Variants in IAPP observed in about 807,000 individuals in gnomAD.
IAPP encodes the protein islet amyloid polypeptide, also known as Islet amyloid polypeptide (diabetes-associated peptide; amylin).
IAPP carries 4 observed loss-of-function variants against 2.9 expected under a neutral mutation model. The observed-to-expected ratio is 1.39, with a 90% CI of 0.69 to 3.19. IAPP has a LOEUF of 3.19. Ranked by LOEUF, IAPP falls within the 30% of genes most tolerant of loss-of-function variation. The pLI, the probability that IAPP is intolerant of heterozygous loss-of-function variation, is 0.01. For missense variants in IAPP, 114 were observed against 105.3 expected, an observed-to-expected ratio of 1.08 and a Z score of -0.36; for synonymous variants, 40 against 42.1, an observed-to-expected ratio of 0.95 and a Z score of 0.19.
At position 21,359,884 on chromosome 12, in the gene IAPP, A is replaced by C. The variant is rs77471698; in HGVS notation, c.-16+4871A>C. ...TTATTTGTAATAGCCTCAAACTAGA[A>C]ACAACCCGAAGTCCATTAACAAAAT... On this transcript the variant is annotated intron_variant, in intron 1 of 2. Transcript: ENST00000539393. Among the ~76,000 whole-genome samples the C allele has an allele frequency of 4.1e-4, 62 of 152,352 alleles. No individual in the cohort carries two copies. In the East Asian group the frequency reaches 0.012, roughly 29 times the overall value.
chr12:21,375,307 G>A (rs1591897276), intron 2 of IAPP, among the ~76,000 whole-genome samples: 1 of 152,270 alleles, frequency 6.6e-6, no homozygotes, highest in African/African-American at 2.4e-5. Context: ...AAATGAGTAT[G>A]TTTGAACATT....
At chr12:21,361,473 G>A (rs141204352) in intron 1 of IAPP, among the ~76,000 whole-genome samples, 14 of 152,230 alleles carry the variant, frequency 9.2e-5, no homozygotes, top group South Asian at 4.2e-4. Context: ...AAAAATTAGC[G>A]CACCTCTTCT....
At chr12:21,373,122 G>A (rs1483105126) in intron 1 of IAPP, 118 bp downstream of exon 1, 1 of 567,070 alleles carries the variant, frequency 1.8e-6, no homozygotes, top group Non-Finnish European at 3.1e-6. Flanking sequence ...CAATATAAAT[G>A]TTCAGATTGC....
chr12:21,355,094 C>A (rs1485988665), intron 1 of IAPP: 1 of 152,052 alleles, frequency 6.6e-6, no homozygotes, highest in Admixed American at 6.6e-5. Flanking sequence ...CACAAAGATA[C>A]AAAGATACTA....
At chr12:21,360,956 G>A (rs1337429574) in intron 1 of IAPP, among the ~76,000 whole-genome samples, 1 of 152,172 alleles carries the variant, frequency 6.6e-6, no homozygotes, top group Non-Finnish European at 1.5e-5. Flanking sequence ...TCCACCTCTA[G>A]GGGCAGGGCA....
chr12:21,366,668 G>A (rs1371735040), intron 1 of IAPP, among the ~76,000 whole-genome samples: 2 of 151,988 alleles, frequency 1.3e-5, no homozygotes. Context: ...AGAGAAAGCT[G>A]TAAATAGCAT....
intron 1 of IAPP, among the ~76,000 whole-genome samples, chr12:21,365,785 G>A (rs1165213250): frequency 1.3e-5 from 2 of 152,128 alleles, no homozygotes; most frequent in African/African-American, 4.8e-5. Flanking sequence ...GCAGCCAACA[G>A]ACACATGAAA....
chr12:21,366,382 C>T (rs1279613638), intron 1 of IAPP, among the ~76,000 whole-genome samples: 8 of 145,990 alleles, frequency 5.5e-5, no homozygotes, highest in Non-Finnish European at 1.2e-4. Flanking sequence ...GGGAACATCA[C>T]ACACACGGGC....
At chr12:21,373,305 T>C in intron 1 of IAPP, 32 bp from the exon 2 acceptor site, 1 of 1,235,808 alleles carries the variant, frequency 8.1e-7, no homozygotes, top group Non-Finnish European at 1.2e-6. Context: ...GTAAGAAATC[T>C]CTTGATTTCA....
chr12:21,368,893 T>C (rs1939585931), upstream of IAPP, among the ~76,000 whole-genome samples: 1 of 152,148 alleles, frequency 6.6e-6, no homozygotes, highest in Non-Finnish European at 1.5e-5. Flanking sequence ...CTTCTTCTAA[T>C]ATGGGATATC....
chr12:21,373,334 C>A lies in IAPP; in HGVS notation c.-15-3C>A. On this transcript the variant is annotated splice_region_variant and splice_polypyrimidine_tract_variant and intron_variant, in intron 1 of 2. Coordinates refer to ENST00000240652, the MANE Select transcript of IAPP (RefSeq NM_000415.3). ...GATTTCAGTGCTGGATTATTCTTTG[C>A]AGAAAATTTGAGAAGCAATGGGCAT... 13 of 1,573,368 alleles carry A rather than the reference C, an allele frequency of 8.3e-6. No homozygotes were observed. The highest frequency in any genetic ancestry group is 1.0e-5 in the Non-Finnish European group (12 of 1,143,328).
upstream of IAPP, among the ~76,000 whole-genome samples, chr12:21,369,064 A>G (rs114048760): frequency 3.1e-3 from 470 of 152,310 alleles, 2 homozygotes; most frequent in African/African-American, 0.011. Context: ...GCAAGGAACT[A>G]CTGTGTTTAT....
chr12:21,376,360 G>T, intron 2 of IAPP: 1 of 354,790 alleles, frequency 2.8e-6, no homozygotes, highest in South Asian at 2.1e-5. Flanking sequence ...TGTTTTTCAA[G>T]AAAAGTAAGT....
chr12:21,371,684 T>C (rs118177367), upstream of IAPP, among the ~76,000 whole-genome samples: 55 of 152,236 alleles, frequency 3.6e-4, no homozygotes, highest in East Asian at 0.01. Context: ...TATTAATAAC[T>C]AAGATACCAA....
Position 21,378,499 on chromosome 12 carries a change from A to G in IAPP, c.*73A>G, listed in dbSNP as rs2137114988. 8.1e-7 allele frequency: 1 copy of G among 1,229,968 alleles called. No individual in the cohort carries two copies. The highest frequency in any genetic ancestry group is 1.2e-5 in the South Asian group (1 of 82,370). 76.2% of individuals were successfully genotyped at this position (1,229,968 alleles called of 1,614,324 possible). On this transcript the variant is annotated 3_prime_UTR_variant, in exon 3 of 3. Transcript: ENST00000240652. ...TGTATAATTTAACAGTGCCCTTTTC[A>G]TCTCCAGTGTGAATATATGGTCTGT...
rs757281888 is a variant in IAPP, at chr12:21,378,288, C to T, written c.132C>T (p.Arg44=). ...ACACTGCCACATGTGCAACGCAGCGCCTGGCAAATTTTTTAGTTCATTCCA... is the reference window on the plus strand; with the variant it reads ...ACACTGCCACATGTGCAACGCAGCGTCTGGCAAATTTTTTAGTTCATTCCA... ...KCNTATCATQ[R]LANFLVHSSN... The change falls in exon 3 of 3, where the codon CGC becomes CGT. Residue 44 remains arginine (R), a synonymous_variant. Coordinates refer to ENST00000240652, the MANE Select transcript of IAPP (RefSeq NM_000415.3). 6.2e-7 allele frequency: 1 copy of T among 1,614,196 alleles called. No homozygotes were observed. Among genetic ancestry groups the T allele is most frequent in the South Asian group, 1.1e-5 (1 of 91,068 alleles).
At position 21,378,523 on chromosome 12, in the gene IAPP, G is replaced by C; in HGVS notation, c.*97G>C. The C allele has an allele frequency of 2.9e-6, 3 of 1,025,582 alleles. No individual in the cohort carries two copies. The highest frequency in any genetic ancestry group is 4.6e-6 in the Non-Finnish European group (3 of 656,102). 63.5% of individuals were successfully genotyped at this position (1,025,582 alleles called of 1,614,324 possible). On this transcript the variant is annotated 3_prime_UTR_variant, in exon 3 of 3. Coordinates refer to ENST00000240652, the MANE Select transcript of IAPP (RefSeq NM_000415.3). Reference sequence around the variant, plus strand: ...CATCTCCAGTGTGAATATATGGTCTGTGTGTCTGATGTTTGTTGCTAGGAC... The same window carrying C: ...CATCTCCAGTGTGAATATATGGTCTCTGTGTCTGATGTTTGTTGCTAGGAC...
Position 21,373,369 on chromosome 12 carries a change from G to C in IAPP, c.18G>C (p.Leu6=), listed in dbSNP as rs1168014772. MGILK[L]QVFLIVLSVA... is the part of the protein sequence containing the mutation. ...GAGAAGCAATGGGCATCCTGAAGCT[G>C]CAAGTATTTCTCATTGTGCTCTCTG... The change falls in exon 2 of 3, where the codon CTG becomes CTC. Residue 6 remains leucine, a synonymous_variant. Transcript: ENST00000240652. 1 of 1,613,080 alleles carries C rather than the reference G, an allele frequency of 6.2e-7. No individual in the cohort carries two copies. Among genetic ancestry groups the C allele is most frequent in the Admixed American group, 1.7e-5 (1 of 60,002 alleles).
At chr12:21,358,336 T>G (rs1317542126) in intron 1 of IAPP, among the ~76,000 whole-genome samples, 1 of 152,164 alleles carries the variant, frequency 6.6e-6, no homozygotes, top group Non-Finnish European at 1.5e-5. Context: ...ATAGAAAAAG[T>G]ATTGTTTGAT....
Sources: gnomAD v4.1 joint callset for allele counts (sites outside exome capture counted in the v4.1 genomes callset) on GRCh38, gnomAD v4.1.1 for gene constraint, MANE v1.5 for transcripts, NCBI Gene and HGNC (gene_info 2026-07-23, HGNC 2026-07-21) for gene names.